SCFD2: variants seen among roughly 807,000 people sequenced by gnomAD.
SCFD2 encodes the protein sec1 family domain containing 2, also known as sec1 family domain-containing protein 2.
In SCFD2, 54 loss-of-function variants were observed where a neutral mutation model predicts 58.9. That is an observed-to-expected ratio of 0.92 (90% CI 0.74 to 1.15). The LOEUF (loss-of-function observed/expected upper bound fraction) is 1.15. Among genes scored for constraint, SCFD2 ranks in the 50% most tolerant of loss-of-function variants. The pLI is 0.00. For missense variants in SCFD2, 805 were observed against 836.6 expected (o/e 0.96, Z 0.47); for synonymous variants, 321 against 335.9 (o/e 0.96, Z 0.49).
intron 5 of SCFD2, among the ~76,000 whole-genome samples, chr4:52,958,930 T>C (rs1381665192): frequency 6.6e-6 from 1 of 152,262 alleles, no homozygotes; most frequent in Non-Finnish European, 1.5e-5. Context: ...TTAGGCATTA[T>C]GCAGAGTGCT....
chr4:53,342,529 G>A (rs1733913974), intron 2 of SCFD2, among the ~76,000 whole-genome samples: 1 of 152,160 alleles, frequency 6.6e-6, no homozygotes, highest in South Asian at 2.1e-4. Context: ...ACACCCCATT[G>A]TCAACATTAG....
chr4:53,251,501 C>T (rs1227549975), intron 4 of SCFD2, among the ~76,000 whole-genome samples: 3 of 152,060 alleles, frequency 2.0e-5, no homozygotes, highest in Non-Finnish European at 2.9e-5. Context: ...ACTGGCAAAC[C>T]AAATCCAGCA....
intron 3 of SCFD2, 21 bp downstream of exon 3, chr4:53,313,615 G>A (rs781740539): frequency 1.2e-6 from 2 of 1,613,542 alleles, no homozygotes; most frequent in South Asian, 1.1e-5. Flanking sequence ...GAGGCTGCCT[G>A]TGTCCTAGGT....
At chr4:53,280,719 C>G (rs1030198989) in intron 3 of SCFD2, among the ~76,000 whole-genome samples, 7 of 152,032 alleles carry the variant, frequency 4.6e-5, no homozygotes, top group Non-Finnish European at 1.0e-4. Context: ...TCTTAGAAAT[C>G]TAATGTCAGC....
intron 5 of SCFD2, among the ~76,000 whole-genome samples, chr4:52,979,169 G>A (rs1721319117): frequency 6.6e-6 from 1 of 151,950 alleles, no homozygotes; most frequent in Non-Finnish European, 1.5e-5. Flanking sequence ...CTGTTCCCAG[G>A]AGGCTTTTCC....
chr4:52,987,526 A>G (rs958951642), intron 5 of SCFD2, among the ~76,000 whole-genome samples: 33 of 152,156 alleles, frequency 2.2e-4, no homozygotes, highest in African/African-American at 7.5e-4. Flanking sequence ...TCTCCAGAGT[A>G]CAGACTCCTC....
At chr4:53,259,715 C>T (rs375888269) in intron 4 of SCFD2, among the ~76,000 whole-genome samples, 17 of 152,070 alleles carry the variant, frequency 1.1e-4, no homozygotes, top group African/African-American at 3.4e-4. Context: ...TTTTTTGGTT[C>T]CATATGAATT....
In SCFD2 at chr4:53,023,161, G is replaced by A. The variant is rs542765757; in HGVS notation, c.1562-102291C>T. The stretch of plus-strand genomic sequence containing the variant: ...GTCTAAATGTAAAACTAGACTCCAG[G>A]GAGGAAAAGTCCTTTCCTGTGATAT... On this transcript the variant is annotated intron_variant, in intron 5 of 8. Coordinates refer to ENST00000401642, the MANE Select transcript of SCFD2 (RefSeq NM_152540.4). Among the ~76,000 whole-genome samples the A allele has an allele frequency of 6.6e-5, 10 of 152,250 alleles. No homozygotes were observed. In the South Asian group the frequency reaches 2.1e-3, roughly 32 times the overall value.
chr4:53,114,050 C>T (rs1725249756), intron 5 of SCFD2, among the ~76,000 whole-genome samples: 1 of 152,122 alleles, frequency 6.6e-6, no homozygotes, highest in Non-Finnish European at 1.5e-5. Context: ...GGCTCCACCA[C>T]TTACTAGCTG....
intron 4 of SCFD2, among the ~76,000 whole-genome samples, chr4:53,188,650 A>G (rs1293285550): frequency 6.6e-6 from 1 of 152,150 alleles, no homozygotes; most frequent in Non-Finnish European, 1.5e-5. Context: ...CCCAAAGTAA[A>G]CAGTAGTGAA....
At chr4:53,328,507 A>C (rs1733291080) in intron 2 of SCFD2, among the ~76,000 whole-genome samples, 1 of 152,218 alleles carries the variant, frequency 6.6e-6, no homozygotes, top group South Asian at 2.1e-4. Flanking sequence ...ATTAACATCA[A>C]AGCAAATAAT....
At chr4:53,083,480 A>G (rs1724210327) in intron 5 of SCFD2, among the ~76,000 whole-genome samples, 2 of 152,224 alleles carry the variant, frequency 1.3e-5, no homozygotes. Flanking sequence ...TACCAAAACC[A>G]GACAATCACA....
chr4:53,092,808 T>C (rs1281943272), intron 5 of SCFD2, among the ~76,000 whole-genome samples: 2 of 151,800 alleles, frequency 1.3e-5, no homozygotes, highest in East Asian at 1.9e-4. Context: ...ATGAGGTAGG[T>C]AGGGATGATG....
intron 5 of SCFD2, among the ~76,000 whole-genome samples, chr4:53,095,187 G>C (rs1343929650): frequency 6.6e-6 from 1 of 151,838 alleles, no homozygotes; most frequent in Non-Finnish European, 1.5e-5. Flanking sequence ...CATTCCAATA[G>C]CTCTTGCATT....
chr4:53,158,488 T>G (rs147809124), intron 4 of SCFD2, among the ~76,000 whole-genome samples: 3 of 152,206 alleles, frequency 2.0e-5, no homozygotes, highest in African/African-American at 7.2e-5. Flanking sequence ...ACTCTTCCAG[T>G]TGACCAAGTC....
chr4:53,331,849 G>C (rs1204436099), intron 2 of SCFD2, among the ~76,000 whole-genome samples: 1 of 152,026 alleles, frequency 6.6e-6, no homozygotes, highest in African/African-American at 2.4e-5. Flanking sequence ...TAGACCGCTA[G>C]CAAGACTAAT....
intron 5 of SCFD2, among the ~76,000 whole-genome samples, chr4:53,051,100 C>T (rs1723180692): frequency 6.6e-6 from 1 of 152,196 alleles, no homozygotes; most frequent in Admixed American, 6.5e-5. Context: ...GCAGAGACCA[C>T]ATCTAATTTG....
intron 3 of SCFD2, among the ~76,000 whole-genome samples, chr4:53,281,779 T>A (rs1260884878): frequency 6.6e-6 from 1 of 152,258 alleles, no homozygotes; most frequent in Non-Finnish European, 1.5e-5. Flanking sequence ...AGCTTTCTTT[T>A]TTGTTCTGCA....
chr4:53,087,353 G>A (rs1269131494), intron 5 of SCFD2, among the ~76,000 whole-genome samples: 2 of 152,054 alleles, frequency 1.3e-5, no homozygotes, highest in African/African-American at 4.8e-5. Flanking sequence ...TTTTTCTTTT[G>A]AGATGAAGTC....
Sources: gnomAD v4.1 joint callset for allele counts (sites outside exome capture counted in the v4.1 genomes callset) on GRCh38, gnomAD v4.1.1 for gene constraint, MANE v1.5 for transcripts, NCBI Gene and HGNC (gene_info 2026-07-23, HGNC 2026-07-21) for gene names.